Variants in FYCO1 observed in about 807,000 individuals in gnomAD.
The protein encoded by FYCO1 is FYVE and coiled-coil domain autophagy adaptor 1.
Under a neutral mutation model 165.1 loss-of-function variants are expected in FYCO1, and 122 were observed. That is an observed-to-expected ratio of 0.74 (90% CI 0.64 to 0.86). The LOEUF is 0.86. FYCO1 is among the 40% of genes least tolerant of loss of function. FYCO1 has a pLI of 0.00. For missense variants in FYCO1, 1,702 were observed against 1,810.3 expected, an observed-to-expected ratio of 0.94 and a Z score of 1.09; for synonymous variants, 648 against 742.5, an observed-to-expected ratio of 0.87 and a Z score of 2.07.
chr3:45,924,437 C>A (rs537107173), intron 16 of FYCO1, among the ~76,000 whole-genome samples: 3 of 152,216 alleles, frequency 2.0e-5, no homozygotes, highest in Admixed American at 2.0e-4. Context: ...CTGTCAGAGA[C>A]AAAATCTGTG....
At chr3:45,925,128 T>C (rs764133833) in intron 16 of FYCO1, among the ~76,000 whole-genome samples, 3 of 150,954 alleles carry the variant, frequency 2.0e-5, no homozygotes, top group African/African-American at 7.3e-5. Context: ...CAGAGTTTCA[T>C]CATGTTGGCC....
chr3:45,947,195 T>G (rs1346469478), intron 14 of FYCO1: 2 of 1,614,216 alleles, frequency 1.2e-6, no homozygotes, highest in Non-Finnish European at 1.7e-6. Context: ...TGGTGATGGC[T>G]GTGTTCCTGC....
chr3:45,923,450 G>A (rs1426000754), intron 17 of FYCO1, among the ~76,000 whole-genome samples: 4 of 152,160 alleles, frequency 2.6e-5, no homozygotes, highest in Non-Finnish European at 4.4e-5. Flanking sequence ...CCTCAGCAGT[G>A]ACATGGTAAG....
chr3:45,952,061 A>C (rs1166314340), intron 14 of FYCO1, among the ~76,000 whole-genome samples: 3 of 152,168 alleles, frequency 2.0e-5, no homozygotes, highest in Admixed American at 2.0e-4. Flanking sequence ...CAACAACAGA[A>C]GTTATCCAGC....
At chr3:45,944,713 C>A (rs146695241) in intron 14 of FYCO1, among the ~76,000 whole-genome samples, 1 of 152,204 alleles carries the variant, frequency 6.6e-6, no homozygotes, top group Non-Finnish European at 1.5e-5. Flanking sequence ...TGAATTTGCA[C>A]AGGTCCTTTG....
intron 14 of FYCO1, among the ~76,000 whole-genome samples, chr3:45,949,981 A>G (rs1276326505): frequency 6.6e-6 from 1 of 152,178 alleles, no homozygotes. Context: ...CAGATTACAA[A>G]GGGCCTTCAC....
At chr3:45,985,198 G>A (rs1707251484) in intron 1 of FYCO1, among the ~76,000 whole-genome samples, 176 bp from the exon 2 acceptor site, 1 of 152,194 alleles carries the variant, frequency 6.6e-6, no homozygotes, top group Non-Finnish European at 1.5e-5. Flanking sequence ...GTTTGTTTCT[G>A]ACACACTTCT....
At chr3:45,985,941 T>C (rs1426359921) in intron 1 of FYCO1, among the ~76,000 whole-genome samples, 1 of 152,378 alleles carries the variant, frequency 6.6e-6, no homozygotes, top group Non-Finnish European at 1.5e-5. Flanking sequence ...GCAAAGTAGA[T>C]AGCAAGACTA....
intron 2 of FYCO1, 149 bp from the exon 3 acceptor site, chr3:45,981,825 T>A: frequency 1.4e-6 from 1 of 689,666 alleles, no homozygotes; most frequent in South Asian, 1.5e-5. Context: ...CCATGAGATA[T>A]AACTCCAAGT....
intron 1 of FYCO1, among the ~76,000 whole-genome samples, chr3:45,988,454 A>G (rs1362728417): frequency 6.6e-6 from 1 of 152,060 alleles, no homozygotes; most frequent in Non-Finnish European, 1.5e-5. Context: ...CCCATTAGCA[A>G]ATGGCTCTCC....
At chr3:45,956,613 G>T (rs1705344712) in intron 13 of FYCO1, among the ~76,000 whole-genome samples, 1 of 151,974 alleles carries the variant, frequency 6.6e-6, no homozygotes, top group South Asian at 2.1e-4. Context: ...TTGAGGCATA[G>T]GCTGAAAAAA....
intron 14 of FYCO1, among the ~76,000 whole-genome samples, chr3:45,950,228 C>A (rs1704920827): frequency 6.6e-6 from 1 of 151,262 alleles, no homozygotes; most frequent in Admixed American, 6.6e-5. Flanking sequence ...GTCCATACTG[C>A]CTTGGTGTGG....
At chr3:45,949,230 T>C (rs1704839003) in intron 14 of FYCO1, among the ~76,000 whole-genome samples, 1 of 152,184 alleles carries the variant, frequency 6.6e-6, no homozygotes, top group Admixed American at 6.5e-5. Context: ...CACATGGACC[T>C]CCGAGTGCTT....
At chr3:45,928,067 T>C (rs1395010066) in intron 16 of FYCO1, among the ~76,000 whole-genome samples, 6 of 152,188 alleles carry the variant, frequency 3.9e-5, no homozygotes, top group Non-Finnish European at 7.3e-5. Context: ...ATCCACAAAA[T>C]AGATTAGTGG....
In FYCO1 at chr3:45,920,576, C is replaced by A. The variant is rs1703056179; in HGVS notation, c.*1189G>T. 6.6e-6 allele frequency: 1 copy of A among 152,308 alleles called. No homozygotes were observed. 9.4% of individuals were successfully genotyped at this position (152,308 alleles called of 1,614,324 possible). A position where few individuals can be genotyped will look rare whatever the true frequency, so the allele number is the denominator to read the frequency against. On this transcript the variant is annotated 3_prime_UTR_variant, in exon 18 of 18. Coordinates refer to ENST00000296137, the MANE Select transcript of FYCO1 (RefSeq NM_024513.4). ...AGAGAACAGGGAAGATTAAATAATT[C>A]TTGTCTGGGAATAGGGAACAGGATC... is the stretch of plus-strand genomic sequence containing the variant.
At chr3:45,970,345 A>G (rs1328589440) in intron 6 of FYCO1, among the ~76,000 whole-genome samples, 2 of 152,230 alleles carry the variant, frequency 1.3e-5, no homozygotes, top group Non-Finnish European at 2.9e-5. Flanking sequence ...CATCAGAATC[A>G]TCTCCTAAAT....
chr3:45,982,073 A>G (rs1707087714), intron 2 of FYCO1, among the ~76,000 whole-genome samples: 1 of 152,226 alleles, frequency 6.6e-6, no homozygotes, highest in South Asian at 2.1e-4. Flanking sequence ...CCTACTGCTC[A>G]TTATAGGTAA....
intron 6 of FYCO1, 99 bp downstream of exon 6, chr3:45,972,989 A>T: frequency 1.5e-6 from 2 of 1,290,354 alleles, no homozygotes; most frequent in Non-Finnish European, 2.2e-6. Flanking sequence ...TGTGTAATTT[A>T]CTGAGCAAGC....
chr3:45,964,357 G>T lies in FYCO1; in HGVS notation c.3248C>A (p.Ala1083Asp). Residue 1083 changes from alanine (A) to aspartate (D), a missense_variant, in exon 10 of 18, where the codon GCC becomes GAC. Transcript: ENST00000296137. This position sits in a 1 kb window ranked among gnomAD's most constrained non-coding sequence, Gnocchi z 4.1. ...AMLRKDKEGA[A>D]LREDLERTQK... ...TAACCTTTCTAGGTCTTCACGCAGGGCAGCCCCCTCCTTGTCCTTCCTCAG... is the reference window on the plus strand; with the variant it reads ...TAACCTTTCTAGGTCTTCACGCAGGTCAGCCCCCTCCTTGTCCTTCCTCAG... 1 of 1,613,958 alleles carries T rather than the reference G, an allele frequency of 6.2e-7. No homozygotes were observed. Among genetic ancestry groups the T allele is most frequent in the Non-Finnish European group, 8.5e-7 (1 of 1,179,800 alleles).
Sources: allele counts gnomAD v4.1 joint callset (sites outside exome capture counted in the v4.1 genomes callset), GRCh38; gene constraint gnomAD v4.1.1; non-coding constraint Gnocchi (gnomAD v3.1); transcripts MANE v1.5; gene names NCBI Gene and HGNC (gene_info 2026-07-23, HGNC 2026-07-21).